Variants in SSUH2 observed in about 807,000 individuals in gnomAD.
The protein encoded by SSUH2 is protein SSUH2 homolog.
A neutral mutation model predicts 55.3 loss-of-function variants in SSUH2; 47 were observed. The ratio of observed to expected loss-of-function variants is 0.85; its 90% CI spans 0.67 to 1.08. The LOEUF is 1.08. SSUH2 is among the 50% of genes least tolerant of loss of function. The pLI is 0.00. For synonymous variants in SSUH2, 212 were observed against 191.5 expected, an observed-to-expected ratio of 1.11 and a Z score of -0.89; for missense variants, 535 against 490.7, an observed-to-expected ratio of 1.09 and a Z score of -0.85.
chr3:8,633,273 AG>A (rs1320793405), intron 4 of SSUH2, among the ~76,000 whole-genome samples: 3 of 151,414 alleles, frequency 2.0e-5, no homozygotes, highest in African/African-American at 7.3e-5. Flanking sequence ...CCTCCCGAGT[AG>A]CTGGAACTAC....
chr3:8,654,477 T>C (rs959225534), intron 7 of SSUH2, among the ~76,000 whole-genome samples: 1 of 152,248 alleles, frequency 6.6e-6, no homozygotes, highest in Non-Finnish European at 1.5e-5. Context: ...CTCCTCTCAA[T>C]AGACACCCAA....
At position 8,629,736 on chromosome 3, in the gene SSUH2, C is replaced by T. The variant is rs890009801; in HGVS notation, c.526-10G>A. 6.2e-7 allele frequency: 1 copy of T among 1,614,040 alleles called. No homozygotes were observed. The highest frequency in any genetic ancestry group is 8.5e-7 in the Non-Finnish European group (1 of 1,179,950). ...GGCATTTGTGGCATTCCTGAAAGTG[C>T]AACGCTTTCTTGGGATCTAGTTTCC... is the stretch of plus-strand genomic sequence containing the variant. On this transcript the variant is annotated splice_polypyrimidine_tract_variant and intron_variant, in intron 6 of 11. Coordinates refer to ENST00000544814, the MANE Select transcript of SSUH2 (RefSeq NM_001256748.3).
chr3:8,641,296 GT>G (rs372424376), intron 1 of SSUH2, among the ~76,000 whole-genome samples: 265 of 152,334 alleles, frequency 1.7e-3, no homozygotes, highest in Middle Eastern at 6.8e-3. Flanking sequence ...GTAGATCAAT[GT>G]TTTATTCATC....
chr3:8,665,076 A>G (rs1703868381), intron 5 of SSUH2, among the ~76,000 whole-genome samples: 1 of 152,204 alleles, frequency 6.6e-6, no homozygotes, highest in East Asian at 1.9e-4. Context: ...CTTCATGTTT[A>G]ACTGCAGGAG....
intron 1 of SSUH2, among the ~76,000 whole-genome samples, chr3:8,641,363 T>TG (rs1169974316): frequency 1.3e-5 from 2 of 152,182 alleles, no homozygotes; most frequent in Non-Finnish European, 2.9e-5. Context: ...ACGCAGTCTT[T>TG]GGGGAGAAAA....
chr3:8,662,957 C>T (rs1274389043), intron 6 of SSUH2, among the ~76,000 whole-genome samples: 6 of 152,216 alleles, frequency 3.9e-5, no homozygotes, highest in East Asian at 1.9e-4. Context: ...AAGGCCATAT[C>T]GATGCTACTA....
chr3:8,661,003 G>C (rs1703426312), intron 6 of SSUH2, among the ~76,000 whole-genome samples: 1 of 152,218 alleles, frequency 6.6e-6, no homozygotes, highest in Non-Finnish European at 1.5e-5. Flanking sequence ...GATGTGAAGG[G>C]TAAAGGGTGA....
At chr3:8,680,797 A>T (rs1287669565) in intron 1 of SSUH2, among the ~76,000 whole-genome samples, 2 of 152,022 alleles carry the variant, frequency 1.3e-5, no homozygotes, top group African/African-American at 4.8e-5. Context: ...CGGCCTCTGA[A>T]TATTGGAAAG....
At chr3:8,643,226 A>G (rs1249488460) in intron 1 of SSUH2, among the ~76,000 whole-genome samples, 1 of 152,194 alleles carries the variant, frequency 6.6e-6, no homozygotes, top group African/African-American at 2.4e-5. Context: ...ATCCTGCAAG[A>G]TGACACCATC....
intron 4 of SSUH2, 78 bp from the exon 5 acceptor site, chr3:8,632,187 AC>A: frequency 6.3e-6 from 8 of 1,273,542 alleles, no homozygotes; most frequent in Non-Finnish European, 9.2e-6. Context: ...TGAAGCTGTT[AC>A]CCTCCCAGGG....
At chr3:8,658,772 T>TCTC (rs1703193419) in intron 7 of SSUH2, among the ~76,000 whole-genome samples, 1 of 152,072 alleles carries the variant, frequency 6.6e-6, no homozygotes, top group Non-Finnish European at 1.5e-5. Flanking sequence ...CTGCATGACT[T>TCTC]CTCCTTCTAT....
At chr3:8,666,474 G>A (rs76573530) in intron 5 of SSUH2, among the ~76,000 whole-genome samples, 8,304 of 152,220 alleles carry the variant, frequency 0.055, 271 homozygotes, top group Middle Eastern at 0.085. Context: ...AACCTGTAAG[G>A]TGTGAGGGAA....
chr3:8,677,932 C>T (rs866247411), intron 2 of SSUH2, among the ~76,000 whole-genome samples: 11 of 150,890 alleles, frequency 7.3e-5, no homozygotes, highest in Middle Eastern at 3.4e-3. Context: ...GTTTCACAGA[C>T]GGATGTACAC....
Position 8,679,097 on chromosome 3 carries a change from T to TA in SSUH2, c.-901+607_-901+608insT. ...GGCGGGGACTGAGAGCAAGCACCTC[T>TA]TTCCCCCCTGGCTCTTAGGACCCAA... On this transcript the variant is annotated intron_variant, in intron 2 of 18. Transcript: ENST00000317371. Among the ~76,000 whole-genome samples the TA allele has an allele frequency of 2.0e-5, 2 of 99,030 alleles. 1 individual carries two copies. The allele number at this position is 99,030 out of a possible 152,430, so 65.0% of individuals were successfully genotyped here.
intron 3 of SSUH2, among the ~76,000 whole-genome samples, chr3:8,674,273 C>T (rs1277703802): frequency 2.6e-5 from 4 of 152,158 alleles, no homozygotes; most frequent in Non-Finnish European, 5.9e-5. Context: ...TGCAGCGTAA[C>T]CAGTGTGCTT....
chr3:8,677,921 T>C (rs1303373234), intron 2 of SSUH2, among the ~76,000 whole-genome samples: 1 of 150,886 alleles, frequency 6.6e-6, no homozygotes, highest in Non-Finnish European at 1.5e-5. Context: ...GATTATGAAC[T>C]GTTTCACAGA....
intron 1 of SSUH2, among the ~76,000 whole-genome samples, chr3:8,640,948 G>A (rs1478908265): frequency 6.6e-6 from 1 of 152,356 alleles, no homozygotes; most frequent in East Asian, 1.9e-4. Context: ...CTTAGAAAGT[G>A]CTGTCATGCC....
At chr3:8,635,497 T>C (rs1461414225) in intron 2 of SSUH2, 116 bp from the exon 3 acceptor site, 1 of 806,346 alleles carries the variant, frequency 1.2e-6, no homozygotes, top group African/African-American at 1.7e-5. Context: ...GAAACAGTGA[T>C]GCATTTAATG....
At chr3:8,657,392 G>T (rs1703042615) in intron 7 of SSUH2, among the ~76,000 whole-genome samples, 1 of 152,172 alleles carries the variant, frequency 6.6e-6, no homozygotes, top group Non-Finnish European at 1.5e-5. Context: ...GCATGAAGAA[G>T]CCCAAGACTC....
Sources: gnomAD v4.1 joint callset for allele counts (sites outside exome capture counted in the v4.1 genomes callset) on GRCh38, gnomAD v4.1.1 for gene constraint, MANE v1.5 for transcripts, NCBI Gene and HGNC (gene_info 2026-07-23, HGNC 2026-07-21) for gene names.